TSFM: variants seen among roughly 807,000 people sequenced by gnomAD.
TSFM encodes the protein elongation factor Ts, mitochondrial.
TSFM carries 29 observed loss-of-function variants against 33.4 expected under a neutral mutation model. The observed-to-expected ratio is 0.87, with a 90% CI of 0.65 to 1.18. TSFM has a LOEUF of 1.18. Among genes scored for constraint, TSFM ranks in the 50% most tolerant of loss-of-function variants. TSFM has a pLI of 0.00. For missense variants in TSFM, 394 were observed against 395.6 expected (o/e 1.00, Z 0.04); for synonymous variants, 178 against 163.5 (o/e 1.09, Z -0.68).
rs774699029 is a variant in TSFM at position 57,787,113 on chromosome 12, C to T, written c.434C>T (p.Thr145Ile). ...QLLVQQVALG[T>I]MMHCQTLKDQ... ...TTGGTCCAGCAAGTAGCCCTTGGAA[C>T]CATGATGCATTGTCAGACCCTAAAG... The change falls in exon 4 of 6, where the codon ACC becomes ATC. Residue 145 changes from threonine (T) to isoleucine (I), a missense_variant. Thr to Ile is a moderately conservative substitution (Grantham distance 89). Coordinates refer to ENST00000652027, the MANE Select transcript of TSFM (RefSeq NM_005726.6). The T allele has an allele frequency of 1.2e-6, 2 of 1,607,460 alleles. No homozygotes were observed. Among genetic ancestry groups the T allele is most frequent in the African/African-American group, 1.3e-5 (1 of 74,950 alleles).
chr12:57,783,498 T>C (rs1955542644), intron 2 of TSFM: 2 of 709,036 alleles, frequency 2.8e-6, no homozygotes, highest in Non-Finnish European at 5.2e-6. Context: ...ACTGTTACGG[T>C]GTTTCTTGTT....
At chr12:57,801,130 C>G, downstream of TSFM, 1 of 1,611,864 alleles carries the variant, frequency 6.2e-7, no homozygotes, top group Non-Finnish European at 8.5e-7. Context: ...CTCCCAAGAG[C>G]GAACCCGACT....
At chr12:57,785,031 A>G (rs993670339) in intron 2 of TSFM, among the ~76,000 whole-genome samples, 1 of 135,914 alleles carries the variant, frequency 7.4e-6, no homozygotes, top group Non-Finnish European at 1.5e-5. Context: ...GGTTCACACC[A>G]TTCTCCTGCC....
downstream of TSFM, chr12:57,799,907 G>T: frequency 6.2e-7 from 1 of 1,614,162 alleles, no homozygotes; most frequent in South Asian, 1.1e-5. Context: ...GGAGAGGGTT[G>T]CATTCTTCAT....
At chr12:57,782,920 C>G (rs1229625830) in intron 1 of TSFM, 62 bp downstream of exon 1, 1 of 1,526,266 alleles carries the variant, frequency 6.6e-7, no homozygotes, top group Non-Finnish European at 8.8e-7. Context: ...GCGCCTGTAC[C>G]TTTCCCTTCC....
chr12:57,782,828 G>C lies in TSFM; in HGVS notation c.27G>C (p.Val9=). The C allele has an allele frequency of 6.3e-7, 1 of 1,596,534 alleles. No individual in the cohort carries two copies. The highest frequency in any genetic ancestry group is 8.5e-7 in the Non-Finnish European group (1 of 1,172,398). MSLLRSLR[V]FLVARTGSYP... ...TGTCGCTGCTGCGGTCGCTGCGCGT[G>C]TTTCTGGTCGCGCGGACCGGGAGCT... Residue 9 remains valine, a synonymous_variant, in exon 1 of 6, where the codon GTG becomes GTC. Coordinates refer to ENST00000652027, the MANE Select transcript of TSFM (RefSeq NM_005726.6).
rs1321931158 is a variant in TSFM at position 57,796,663 on chromosome 12, T to A, written c.*80T>A. ...TACAAAAAGGAATATTTCCCAAACC[T>A]CTTCAGACCGAGAATGCATGGGTAA... On this transcript the variant is annotated 3_prime_UTR_variant, in exon 6 of 6. Transcript: ENST00000652027. The A allele has an allele frequency of 7.9e-7, 1 of 1,268,014 alleles. No homozygotes were observed. Among genetic ancestry groups the A allele is most frequent in the African/African-American group, 1.5e-5 (1 of 65,190 alleles). 78.5% of individuals were successfully genotyped at this position (1,268,014 alleles called of 1,614,324 possible).
downstream of TSFM, chr12:57,800,046 T>A (rs1955816277): frequency 7.9e-7 from 1 of 1,270,350 alleles, no homozygotes; most frequent in Admixed American, 2.1e-5. Flanking sequence ...TCATCTTTGA[T>A]AACAATGCTC....
intron 4 of TSFM, among the ~76,000 whole-genome samples, chr12:57,788,267 CT>C (rs56048814): frequency 2.7e-4 from 39 of 146,852 alleles, no homozygotes; most frequent in African/African-American, 3.0e-4. Flanking sequence ...CCAGTGTACC[CT>C]TTTTTTTTTT....
At chr12:57,784,375 C>T (rs2140414905) in intron 2 of TSFM, among the ~76,000 whole-genome samples, 1 of 152,288 alleles carries the variant, frequency 6.6e-6, no homozygotes, top group South Asian at 2.1e-4. Flanking sequence ...GCACAGTACA[C>T]ATAAGCTACA....
At chr12:57,785,274 AAC>A (rs1362358806) in intron 2 of TSFM, among the ~76,000 whole-genome samples, 1 of 152,124 alleles carries the variant, frequency 6.6e-6, no homozygotes, top group Non-Finnish European at 1.5e-5. Context: ...CGGAGACACA[AAC>A]ACATACATTA....
chr12:57,782,895 C>A, intron 1 of TSFM, 37 bp downstream of exon 1: 1 of 1,565,484 alleles, frequency 6.4e-7, no homozygotes, highest in East Asian at 2.4e-5. Flanking sequence ...CCTGCTGTCC[C>A]TGCAGCTCTC....
intron 4 of TSFM, among the ~76,000 whole-genome samples, chr12:57,787,756 C>T (rs1056921348): frequency 2.6e-5 from 4 of 152,022 alleles, no homozygotes; most frequent in African/African-American, 7.2e-5. Flanking sequence ...TGGAGAAACC[C>T]GTCTCTACTA....
chr12:57,790,060 CTTTTTTTTTTTT>C (rs35382401), intron 4 of TSFM, among the ~76,000 whole-genome samples: 2 of 105,432 alleles, frequency 1.9e-5, no homozygotes, highest in Middle Eastern at 6.2e-3. Context: ...TTCTTTCTTT[CTTTTTTTTTTTT>C]TTTTTTTTTG....
downstream of TSFM, among the ~76,000 whole-genome samples, chr12:57,798,620 CTTT>C (rs1337769787): frequency 2.1e-5 from 3 of 140,652 alleles, no homozygotes; most frequent in Admixed American, 7.1e-5. Flanking sequence ...CTTTTCTTTT[CTTT>C]TTTTTTTTTT....
intron 2 of TSFM, among the ~76,000 whole-genome samples, chr12:57,785,713 T>G (rs1184282392): frequency 6.6e-6 from 1 of 152,238 alleles, no homozygotes; most frequent in Non-Finnish European, 1.5e-5. Context: ...TGTAATTGTA[T>G]GTGCTATACT....
Position 57,782,823 on chromosome 12 carries a change from C to A in TSFM, c.22C>A (p.Arg8Ser). 1 of 1,595,254 alleles carries A rather than the reference C, an allele frequency of 6.3e-7. No homozygotes were observed. The highest frequency in any genetic ancestry group is 8.5e-7 in the Non-Finnish European group (1 of 1,171,782). Reference sequence around the variant, plus strand: ...AGAGATGTCGCTGCTGCGGTCGCTGCGCGTGTTTCTGGTCGCGCGGACCGG... The same window carrying A: ...AGAGATGTCGCTGCTGCGGTCGCTGAGCGTGTTTCTGGTCGCGCGGACCGG... MSLLRSL[R>S]VFLVARTGSY... is the part of the protein sequence containing the mutation. The change falls in exon 1 of 6, where the codon CGC becomes AGC. Residue 8 changes from arginine (R) to serine (S), a missense_variant. Around this residue, in one of 3 missense-constraint regions of TSFM, gnomAD observed 208 missense variants for 180.4 expected, o/e 1.15. Transcript: ENST00000652027.
At position 57,782,789 on chromosome 12, in the gene TSFM, C is replaced by G. The variant is rs777527188; in HGVS notation, c.-13C>G. The G allele has an allele frequency of 6.3e-6, 10 of 1,584,680 alleles. No individual in the cohort carries two copies. The highest frequency in any genetic ancestry group is 2.3e-5 in the East Asian group (1 of 43,064). On this transcript the variant is annotated 5_prime_UTR_variant, in exon 1 of 6. The change creates a new upstream start codon in the 5' untranslated region. Transcript: ENST00000652027. ...AGTGCGCCCGCCGGAGGGTGTTTAT[C>G]GCGGCTAGAGAGATGTCGCTGCTGC... is the stretch of plus-strand genomic sequence containing the variant.
intron 2 of TSFM, 75 bp downstream of exon 2, chr12:57,783,358 C>T: frequency 4.5e-6 from 7 of 1,568,772 alleles, no homozygotes; most frequent in Non-Finnish European, 5.3e-6. Flanking sequence ...CGCTGGGGAG[C>T]ATAAAGTTAG....
Sources: allele counts gnomAD v4.1 joint callset (sites outside exome capture counted in the v4.1 genomes callset), GRCh38; gene constraint gnomAD v4.1.1; regional missense constraint gnomAD v4.1.1; transcripts MANE v1.5; gene names NCBI Gene and HGNC (gene_info 2026-07-23, HGNC 2026-07-21).